The following TOMM34 variants were observed in gnomAD, a reference collection of about 807,000 sequenced individuals.
TOMM34 encodes translocase of outer mitochondrial membrane 34.
TOMM34 carries 24 observed loss-of-function variants against 37.4 expected under a neutral mutation model. The ratio of observed to expected loss-of-function variants is 0.64; its 90% confidence interval spans 0.46 to 0.90. The LOEUF (loss-of-function observed/expected upper bound fraction) is 0.90, where lower values mean the gene tolerates loss of function less well. TOMM34 is among the 40% of genes least tolerant of loss of function. The pLI is 0.00. For missense variants in TOMM34, 304 were observed against 375.6 expected (o/e 0.81, Z 1.58); for synonymous variants, 154 against 148.9 (o/e 1.03, Z -0.25).
At chr20:44,945,651 A>AG (rs1738963386) in intron 5 of TOMM34, among the ~76,000 whole-genome samples, 1 of 152,252 alleles carries the variant, frequency 6.6e-6, no homozygotes, top group Admixed American at 6.5e-5. Flanking sequence ...CATTTGAGTC[A>AG]GGCAGCCCAG....
At chr20:44,957,107 T>G (rs2067080573) in intron 1 of TOMM34, among the ~76,000 whole-genome samples, 1 of 152,160 alleles carries the variant, frequency 6.6e-6, no homozygotes, top group African/African-American at 2.4e-5. Context: ...TGGGGAGAAT[T>G]ATTAGACATT....
intron 5 of TOMM34, among the ~76,000 whole-genome samples, chr20:44,947,481 T>C (rs1308975158): frequency 1.3e-5 from 2 of 152,184 alleles, no homozygotes; most frequent in African/African-American, 2.4e-5. Context: ...CAGACCATAT[T>C]ACCTCACTAA....
intron 1 of TOMM34, 118 bp downstream of exon 1, chr20:44,960,089 A>C: frequency 8.8e-7 from 1 of 1,137,848 alleles, no homozygotes; most frequent in Non-Finnish European, 1.2e-6. Flanking sequence ...CCGGAGTCGG[A>C]AGGGGCTGGA....
chr20:44,954,353 A>G (rs2031171378), intron 3 of TOMM34, among the ~76,000 whole-genome samples: 1 of 152,236 alleles, frequency 6.6e-6, no homozygotes, highest in Admixed American at 6.5e-5. Flanking sequence ...AGTCTGTCAC[A>G]TAATTGGTAG....
At chr20:44,947,995 A>G (rs557950054) in intron 5 of TOMM34, among the ~76,000 whole-genome samples, 1 of 152,354 alleles carries the variant, frequency 6.6e-6, no homozygotes, top group South Asian at 2.1e-4. Context: ...TTCTGAGAGT[A>G]AAAGTAACAG....
At chr20:44,953,816 C>T (rs1254508637) in intron 3 of TOMM34, among the ~76,000 whole-genome samples, 6 of 152,220 alleles carry the variant, frequency 3.9e-5, no homozygotes, top group African/African-American at 7.2e-5. Flanking sequence ...CCTTTCTATT[C>T]TGTTGCCCTT....
intron 4 of TOMM34, 56 bp from the exon 5 acceptor site, chr20:44,948,933 A>G (rs990888342): frequency 1.3e-6 from 2 of 1,590,890 alleles, no homozygotes; most frequent in African/African-American, 1.3e-5. Context: ...AACTGAGATC[A>G]GTGAGGTCTC....
intron 1 of TOMM34, chr20:44,958,302 A>G (rs1029683412): frequency 2.1e-6 from 1 of 468,552 alleles, no homozygotes; most frequent in East Asian, 7.0e-5. Context: ...TTCAATACCA[A>G]CAATAACAAG....
chr20:44,951,790 T>C (rs1203135735), intron 4 of TOMM34, 43 bp downstream of exon 4: 1 of 1,579,536 alleles, frequency 6.3e-7, no homozygotes, highest in East Asian at 2.3e-5. Context: ...AGAAAATGGA[T>C]AGTGGGAGAT....
chr20:44,954,468 C>T (rs570262924), intron 3 of TOMM34, among the ~76,000 whole-genome samples: 4 of 152,176 alleles, frequency 2.6e-5, no homozygotes, highest in African/African-American at 4.8e-5. Flanking sequence ...CCATGAAGTC[C>T]CTGTTAAGGG....
intron 6 of TOMM34, 81 bp downstream of exon 6, chr20:44,943,372 T>C: frequency 6.2e-7 from 1 of 1,604,634 alleles, no homozygotes; most frequent in Non-Finnish European, 8.5e-7. Context: ...TTGTCTCAGC[T>C]TGGCTACACC....
chr20:44,943,542 C>T lies in TOMM34; in HGVS notation c.736G>A (p.Ala246Thr). Residue 246 changes from alanine (A) to threonine (T), a missense_variant, in exon 6 of 7, where the codon GCA becomes ACA. By Grantham distance (58) the Ala-to-Thr change is moderately conservative. Coordinates refer to ENST00000372813, the MANE Select transcript of TOMM34 (RefSeq NM_006809.5). Reference protein sequence around the residue: ...CYLVLKQYTEAVKDCTEALKL... With the variant: ...CYLVLKQYTETVKDCTEALKL... ...AGGGCTTCTGTGCAGTCCTTCACTG[C>T]TTCTGTGTACTGCTTCAGGACCAAA... 6.2e-7 allele frequency: 1 copy of T among 1,614,184 alleles called. No individual in the cohort carries two copies. The highest frequency in any genetic ancestry group is 8.5e-7 in the Non-Finnish European group (1 of 1,180,044).
At chr20:44,955,026 AG>A (rs745557537) in intron 3 of TOMM34, 41 bp downstream of exon 3, 2 of 1,608,514 alleles carry the variant, frequency 1.2e-6, no homozygotes, top group African/African-American at 2.7e-5. Context: ...CAAGAAGGAC[AG>A]GGAGTTGCCG....
intron 5 of TOMM34, among the ~76,000 whole-genome samples, chr20:44,945,361 G>GCT (rs545304855): frequency 7.4e-4 from 113 of 152,288 alleles, no homozygotes; most frequent in African/African-American, 2.6e-3. Context: ...AGGTGTATCT[G>GCT]CTCTCTCTCT....
At chr20:44,957,250 CGATCTCCGCTCACTGCA>C in intron 1 of TOMM34, among the ~76,000 whole-genome samples, 1 of 152,006 alleles carries the variant, frequency 6.6e-6, no homozygotes, top group Non-Finnish European at 1.5e-5. Context: ...TGCAGTGGAG[CGATCTCCGCTCACTGCA>C]ACTCCACCTC....
At position 44,943,243 on chromosome 20, in the gene TOMM34, G is replaced by A. The variant is rs557574577; in HGVS notation, c.826-30C>T. On this transcript the variant is annotated intron_variant, in intron 6 of 6. Transcript: ENST00000372813. Reference sequence around the variant, plus strand: ...TAGAAGAAAAGACAGGAGTGTGGGGGAAGGTTCCCGGACTGGGGTGGGGAT... The same window carrying A: ...TAGAAGAAAAGACAGGAGTGTGGGGAAAGGTTCCCGGACTGGGGTGGGGAT... The A allele has an allele frequency of 5.6e-6, 9 of 1,612,376 alleles. No homozygotes were observed. In the African/African-American group the frequency reaches 6.7e-5, roughly 12 times the overall value.
intron 4 of TOMM34, among the ~76,000 whole-genome samples, chr20:44,949,304 G>A (rs763915895): frequency 1.3e-5 from 2 of 152,040 alleles, no homozygotes; most frequent in Admixed American, 6.6e-5. Flanking sequence ...AAGAAAGTAC[G>A]GAACACACTA....
intron 1 of TOMM34, chr20:44,958,224 C>T (rs2145609732): frequency 2.5e-6 from 1 of 396,700 alleles, no homozygotes; most frequent in East Asian, 7.3e-5. Flanking sequence ...CATCATATTG[C>T]CTATCCTTCT....
At chr20:44,958,419 T>C (rs1292180205) in intron 1 of TOMM34, 2 of 471,342 alleles carry the variant, frequency 4.2e-6, no homozygotes, top group Non-Finnish European at 8.8e-6. Context: ...TAATCCATCT[T>C]GAGTCACCAG....
Sources: gnomAD v4.1 joint callset for allele counts (sites outside exome capture counted in the v4.1 genomes callset) on GRCh38, gnomAD v4.1.1 for gene constraint, MANE v1.5 for transcripts, NCBI Gene and HGNC (gene_info 2026-07-23, HGNC 2026-07-21) for gene names.